GPC5: variants seen among roughly 807,000 people sequenced by gnomAD.
GPC5 encodes glypican-5.
A neutral mutation model predicts 53.9 loss-of-function variants in GPC5; 47 were observed. That is an observed-to-expected ratio of 0.87 (90% CI 0.69 to 1.11). The LOEUF (loss-of-function observed/expected upper bound fraction) is 1.11. Among genes scored for constraint, GPC5 ranks in the 50% most tolerant of loss-of-function variants. The probability of loss-of-function intolerance (pLI) is 0.00; values close to 1 mark genes in which losing one functional copy is unlikely to be tolerated. For synonymous variants in GPC5, 286 were observed against 263.3 expected (o/e 1.09, Z -0.84); for missense variants, 748 against 713.1 (o/e 1.05, Z -0.56).
At chr13:91,932,136 A>T (rs184939463) in intron 6 of GPC5, among the ~76,000 whole-genome samples, 3 of 152,174 alleles carry the variant, frequency 2.0e-5, no homozygotes, top group Non-Finnish European at 2.9e-5. Flanking sequence ...AACTTTTCTT[A>T]AGAATTTGGC....
chr13:92,855,347 T>C (rs1040873375), intron 7 of GPC5, among the ~76,000 whole-genome samples: 1 of 152,094 alleles, frequency 6.6e-6, no homozygotes, highest in African/African-American at 2.4e-5. Context: ...AAAATACATA[T>C]TTGTGTGAAT....
At position 91,627,004 on chromosome 13, in the gene GPC5, ATTTTTTTTTTTTTTTTTTTTTTTT is replaced by A. The variant is rs1215877558; in HGVS notation, c.326-66169_326-66146del. Among the ~76,000 whole-genome samples, 2 of 4,878 alleles carry A rather than the reference ATTTTTTTTTTTTTTTTTTTTTTTT, an allele frequency of 4.1e-4. 1 individual carries two copies. Among genetic ancestry groups the A allele is most frequent in the African/African-American group, 7.0e-3 (2 of 286 alleles). 3.2% of individuals were successfully genotyped at this position (4,878 alleles called of 152,430 possible). On this transcript the variant is annotated intron_variant, in intron 2 of 7. Transcript: ENST00000377067. ...TCCCTACAAAGGACATGAACTCATC[ATTTTTTTTTTTTTTTTTTTTTTTT>A]TTTTTTTTTTTTTGAGACGGAGTCT... is the stretch of plus-strand genomic sequence containing the variant.
chr13:91,562,619 A>ATTTTTTTTTTTTTT (rs35271520), intron 2 of GPC5, among the ~76,000 whole-genome samples: 1 of 126,078 alleles, frequency 7.9e-6, no homozygotes, highest in African/African-American at 3.0e-5. Context: ...ATGCCTGGCT[A>ATTTTTTTTTTTTTT]TTTTTTTTTT....
At chr13:92,800,815 GTGT>G (rs1373541641) in intron 7 of GPC5, among the ~76,000 whole-genome samples, 1 of 151,702 alleles carries the variant, frequency 6.6e-6, no homozygotes, top group Non-Finnish European at 1.5e-5. Flanking sequence ...ATACCTTAGG[GTGT>G]TGTTTGTTAC....
intron 7 of GPC5, among the ~76,000 whole-genome samples, chr13:92,716,809 A>G (rs1432842499): frequency 6.6e-6 from 1 of 152,204 alleles, no homozygotes; most frequent in Non-Finnish European, 1.5e-5. Flanking sequence ...AACAAATTCT[A>G]TGCTGAAACA....
intron 2 of GPC5, among the ~76,000 whole-genome samples, chr13:91,491,801 G>T (rs1017185976): frequency 6.6e-6 from 1 of 152,118 alleles, no homozygotes; most frequent in Non-Finnish European, 1.5e-5. Context: ...TATAAGTAAT[G>T]CATTTAAGGC....
At chr13:92,715,286 A>T (rs1888291425) in intron 7 of GPC5, among the ~76,000 whole-genome samples, 2 of 152,184 alleles carry the variant, frequency 1.3e-5, no homozygotes, top group Admixed American at 6.5e-5. Flanking sequence ...CCCTAGAAGT[A>T]CTATTTATAG....
At chr13:92,311,573 C>T (rs1349866366) in intron 7 of GPC5, among the ~76,000 whole-genome samples, 1 of 152,114 alleles carries the variant, frequency 6.6e-6, no homozygotes, top group African/African-American at 2.4e-5. Context: ...CTGGGGAGGC[C>T]TCACAATCAT....
intron 2 of GPC5, among the ~76,000 whole-genome samples, chr13:91,456,416 C>A (rs1211265746): frequency 1.3e-5 from 2 of 151,456 alleles, no homozygotes; most frequent in African/African-American, 4.8e-5. Context: ...TTATTAGCTT[C>A]TTTTAAAAGA....
At chr13:92,260,668 A>G (rs1205915519) in intron 7 of GPC5, among the ~76,000 whole-genome samples, 2 of 152,198 alleles carry the variant, frequency 1.3e-5, no homozygotes, top group African/African-American at 4.8e-5. Flanking sequence ...GGAAATAAGT[A>G]GGGTGGGTTT....
At chr13:92,393,371 C>A (rs1287985381) in intron 7 of GPC5, among the ~76,000 whole-genome samples, 2 of 152,156 alleles carry the variant, frequency 1.3e-5, no homozygotes, top group Non-Finnish European at 1.5e-5. Context: ...TGAACACAGG[C>A]CGGTGCAGTG....
rs116502564 is a variant in GPC5, at chr13:92,469,858, C to T, written c.1561+324869C>T. On this transcript the variant is annotated intron_variant, in intron 7 of 7. Coordinates refer to ENST00000377067, the MANE Select transcript of GPC5 (RefSeq NM_004466.6). ...CTACCTTGTAATAATTTATATCATA[C>T]TGAGACAATGAGGTACATGTGTAAA... 3.2e-3 allele frequency among the ~76,000 whole-genome samples: 480 copies of T among 152,162 alleles called. 1 individual carries two copies. The highest frequency in any genetic ancestry group is 0.011 in the African/African-American group (444 of 41,524).
In GPC5 at chr13:92,601,415, C is replaced by A. The variant is rs144007107; in HGVS notation, c.1562-264867C>A. Among the ~76,000 whole-genome samples, 482 of 151,760 alleles carry A rather than the reference C, an allele frequency of 3.2e-3. 5 individuals carry two copies. Among genetic ancestry groups the A allele is most frequent in the South Asian group, 0.011 (53 of 4,796 alleles). Reference sequence around the variant, plus strand: ...TACTAAAAATACAAAATCAGCCGGGCATGGTGGTAGGTGCCTGTAGTCCCA... The same window carrying A: ...TACTAAAAATACAAAATCAGCCGGGAATGGTGGTAGGTGCCTGTAGTCCCA... On this transcript the variant is annotated intron_variant, in intron 7 of 7. Transcript: ENST00000377067.
intron 4 of GPC5, among the ~76,000 whole-genome samples, chr13:91,750,501 C>T (rs181453732): frequency 6.6e-6 from 1 of 152,204 alleles, no homozygotes; most frequent in Non-Finnish European, 1.5e-5. Flanking sequence ...CAGTCACTCT[C>T]CCAGCAACTT....
chr13:92,288,472 C>T (rs986960927), intron 7 of GPC5, among the ~76,000 whole-genome samples: 2 of 152,176 alleles, frequency 1.3e-5, no homozygotes, highest in Non-Finnish European at 2.9e-5. Flanking sequence ...TTCATAAGGA[C>T]TGTATTCATT....
At chr13:92,807,516 T>C (rs1228602661) in intron 7 of GPC5, among the ~76,000 whole-genome samples, 1 of 152,030 alleles carries the variant, frequency 6.6e-6, no homozygotes, top group African/African-American at 2.4e-5. Flanking sequence ...TGCATTATTC[T>C]TCTGGTATTT....
At chr13:92,366,913 C>A (rs2043611785) in intron 7 of GPC5, among the ~76,000 whole-genome samples, 2 of 152,064 alleles carry the variant, frequency 1.3e-5, no homozygotes, top group African/African-American at 4.8e-5. Context: ...TGGAATTGAC[C>A]TATTGCAAAA....
intron 6 of GPC5, among the ~76,000 whole-genome samples, chr13:91,968,230 A>AT (rs1431618056): frequency 6.6e-6 from 1 of 151,854 alleles, no homozygotes; most frequent in Non-Finnish European, 1.5e-5. Flanking sequence ...TTCCTCATGT[A>AT]TTTTTTCCTA....
chr13:91,785,550 C>G (rs906988598), intron 5 of GPC5, among the ~76,000 whole-genome samples: 6 of 152,182 alleles, frequency 3.9e-5, no homozygotes, highest in African/African-American at 1.4e-4. Flanking sequence ...AAATTTCAGG[C>G]TTGTATATCC....
Sources: gnomAD v4.1 joint callset for allele counts (sites outside exome capture counted in the v4.1 genomes callset) on GRCh38, gnomAD v4.1.1 for gene constraint, MANE v1.5 for transcripts, NCBI Gene and HGNC (gene_info 2026-07-23, HGNC 2026-07-21) for gene names.